Variants in DIPK1A observed in about 807,000 individuals in gnomAD.
The protein encoded by DIPK1A is family with sequence similarity 69 member A.
Under a neutral mutation model 40.8 loss-of-function variants are expected in DIPK1A, and 27 were observed. That is an observed-to-expected ratio of 0.66 (90% CI 0.49 to 0.91). The LOEUF (loss-of-function observed/expected upper bound fraction) is 0.91, where lower values mean the gene tolerates loss of function less well. Ranked by LOEUF, DIPK1A falls within the 40% of genes least tolerant of loss-of-function variation. DIPK1A has a pLI of 0.00. For missense variants in DIPK1A, 412 were observed against 505.7 expected (o/e 0.81, Z 1.78); for synonymous variants, 166 against 171.3 (o/e 0.97, Z 0.24).
chr1:92,843,667 A>G lies in DIPK1A; in HGVS notation c.1003T>C (p.Leu335=), dbSNP rs1228220744. The part of the protein sequence containing the change: ...LIKDRHCESD[L]DCVYGTDCRT... Reference sequence around the variant, plus strand: ...CAATCTGTGCCATAGACACAGTCCAAATCAGACTCACAGTGACGATCCTTA... The same window carrying G: ...CAATCTGTGCCATAGACACAGTCCAGATCAGACTCACAGTGACGATCCTTA... The change falls in exon 5 of 5, where the codon TTG becomes CTG. Residue 335 remains leucine, a synonymous_variant. Coordinates refer to ENST00000370310, the MANE Select transcript of DIPK1A (RefSeq NM_001006605.5). 6.4e-7 allele frequency: 1 copy of G among 1,551,626 alleles called. No individual in the cohort carries two copies. The highest frequency in any genetic ancestry group is 1.7e-4 in the Middle Eastern group (1 of 6,014).
intron 1 of DIPK1A, among the ~76,000 whole-genome samples, chr1:92,893,529 T>C (rs1649000431): frequency 6.6e-6 from 1 of 151,990 alleles, no homozygotes; most frequent in African/African-American, 2.4e-5. Context: ...GAACAACCGG[T>C]ACCAGCCACT....
chr1:92,925,965 A>G (rs1182509793), intron 1 of DIPK1A, among the ~76,000 whole-genome samples: 1 of 152,146 alleles, frequency 6.6e-6, no homozygotes, highest in African/African-American at 2.4e-5. Context: ...CATTATCAGT[A>G]TTGGTATATA....
intron 1 of DIPK1A, among the ~76,000 whole-genome samples, chr1:92,894,929 A>G (rs908820631): frequency 2.0e-5 from 3 of 152,090 alleles, no homozygotes; most frequent in Non-Finnish European, 2.9e-5. Context: ...TCCTCGACAC[A>G]TACACCCTCC....
At chr1:92,832,915 T>C (rs1231962891) in exon 5 of DIPK1A, 9 of 676,110 alleles carry the variant, frequency 1.3e-5, no homozygotes, top group East Asian at 5.4e-5. Context: ...GTAGTTGTTA[T>C]TTGAGGCTAG....
At chr1:92,860,242 AC>A (rs992750464) in intron 2 of DIPK1A, among the ~76,000 whole-genome samples, 1 of 152,130 alleles carries the variant, frequency 6.6e-6, no homozygotes, top group African/African-American at 2.4e-5. Context: ...TTCAGATTGC[AC>A]GGAGGGCTGA....
chr1:92,844,854 A>T (rs1292998072), intron 4 of DIPK1A, among the ~76,000 whole-genome samples: 1 of 152,156 alleles, frequency 6.6e-6, no homozygotes. Context: ...CAAATAAAAA[A>T]TTTGAGTGAA....
intron 1 of DIPK1A, among the ~76,000 whole-genome samples, chr1:92,894,854 C>G (rs1203495053): frequency 6.6e-6 from 1 of 152,002 alleles, no homozygotes; most frequent in Admixed American, 6.6e-5. Context: ...TACAAACTAC[C>G]ATCAGAGAAT....
rs191248652 is a variant in DIPK1A, at chr1:92,928,588, C to T, written c.54+32788G>A. Among the ~76,000 whole-genome samples the T allele has an allele frequency of 1.8e-3, 267 of 152,252 alleles. 2 individuals are homozygous for T. Among genetic ancestry groups the T allele is most frequent in the African/African-American group, 6.1e-3 (252 of 41,534 alleles). On this transcript the variant is annotated intron_variant, in intron 1 of 4. Coordinates refer to ENST00000370310, the MANE Select transcript of DIPK1A (RefSeq NM_001006605.5). ...TTTTACCATTTCTTATATTACAGGT[C>T]TGCTGGTGATGAATTCTTGTTTTTA... is the stretch of plus-strand genomic sequence containing the variant.
chr1:92,879,173 C>G (rs1021207234), intron 1 of DIPK1A, among the ~76,000 whole-genome samples: 2 of 151,904 alleles, frequency 1.3e-5, no homozygotes, highest in African/African-American at 4.8e-5. Context: ...CAGAGAGACC[C>G]TGTTGCAAAA....
At chr1:92,848,869 A>G (rs1450992117) in intron 3 of DIPK1A, among the ~76,000 whole-genome samples, 1 of 152,214 alleles carries the variant, frequency 6.6e-6, no homozygotes, top group East Asian at 1.9e-4. Flanking sequence ...TATAATAATA[A>G]TGCATATTTA....
At chr1:92,874,510 A>C (rs1186797067) in intron 2 of DIPK1A, among the ~76,000 whole-genome samples, 1 of 152,218 alleles carries the variant, frequency 6.6e-6, no homozygotes, top group Non-Finnish European at 1.5e-5. Context: ...TTCCAAATAC[A>C]TCTGACCAGG....
chr1:92,959,693 C>T lies in DIPK1A; in HGVS notation c.54+1683G>A, dbSNP rs555257344. On this transcript the variant is annotated intron_variant, in intron 1 of 4. Transcript: ENST00000370310. ...GTCTCGATCTCCTGACCTCGTGATC[C>T]GCCCGCCTCGGCCTCCCAAAGTGCA... is the stretch of plus-strand genomic sequence containing the variant. Among the ~76,000 whole-genome samples, 155 of 151,018 alleles carry T rather than the reference C, an allele frequency of 1.0e-3. 3 individuals carry two copies. Among genetic ancestry groups the T allele is most frequent in the Admixed American group, 0.01 (153 of 15,148 alleles).
intron 4 of DIPK1A, chr1:92,836,631 T>C (rs1687140617): frequency 1.9e-6 from 1 of 526,738 alleles, no homozygotes; most frequent in Non-Finnish European, 3.4e-6. Flanking sequence ...TTGAAAGAGA[T>C]GGGATTGAAA....
intron 1 of DIPK1A, among the ~76,000 whole-genome samples, chr1:92,912,536 TC>T: frequency 6.6e-6 from 1 of 152,142 alleles, no homozygotes; most frequent in African/African-American, 2.4e-5. Flanking sequence ...GGTGTAATTT[TC>T]AAAATACTAT....
chr1:92,850,373 G>A (rs989955136), intron 3 of DIPK1A, among the ~76,000 whole-genome samples: 4 of 152,164 alleles, frequency 2.6e-5, no homozygotes, highest in Non-Finnish European at 5.9e-5. Flanking sequence ...ATATACTGGG[G>A]ATAGATTAAT....
chr1:92,846,738 C>T lies in DIPK1A; in HGVS notation c.474+445G>A, dbSNP rs6697543. ...CGACCTCCCAGGCTCAAGCAATCCTCGCACCTCAGCATCTCAAGTAGTTAG... is the reference window on the plus strand; with the variant it reads ...CGACCTCCCAGGCTCAAGCAATCCTTGCACCTCAGCATCTCAAGTAGTTAG... On this transcript the variant is annotated intron_variant, in intron 4 of 4. Transcript: ENST00000370310. 2.5e-3 allele frequency among the ~76,000 whole-genome samples: 278 copies of T among 109,842 alleles called. 3 individuals carry two copies. Among genetic ancestry groups the T allele is most frequent in the African/African-American group, 9.7e-3 (272 of 28,080 alleles). The allele number at this position is 109,842 out of a possible 152,430, so 72.1% of individuals were successfully genotyped here. A position where few individuals can be genotyped will look rare whatever the true frequency, so the allele number is the denominator to read the frequency against.
chr1:92,840,817 A>G (rs777175835), downstream of DIPK1A: 9 of 722,100 alleles, frequency 1.2e-5, no homozygotes, highest in African/African-American at 1.7e-5. Context: ...AGCCTCAGAC[A>G]CTACTGAGGT....
At chr1:92,961,344 C>T (rs770453890) in intron 1 of DIPK1A, 32 bp downstream of exon 1, 3 of 1,481,672 alleles carry the variant, frequency 2.0e-6, no homozygotes, top group African/African-American at 1.5e-5. Flanking sequence ...CGGGTGCTCC[C>T]GCAGCTGGTG....
chr1:92,938,634 G>T (rs1255506732), intron 1 of DIPK1A, among the ~76,000 whole-genome samples: 1 of 152,030 alleles, frequency 6.6e-6, no homozygotes, highest in Non-Finnish European at 1.5e-5. Context: ...TGTATTTTTG[G>T]AAAGTCATTC....
Sources: gnomAD v4.1 joint callset for allele counts (sites outside exome capture counted in the v4.1 genomes callset) on GRCh38, gnomAD v4.1.1 for gene constraint, MANE v1.5 for transcripts, NCBI Gene and HGNC (gene_info 2026-07-23, HGNC 2026-07-21) for gene names.